ATG7: variants seen among roughly 807,000 people sequenced by gnomAD.
ATG7 encodes autophagy related 7.
ATG7 carries 70 observed loss-of-function variants against 82.4 expected under a neutral mutation model. The ratio of observed to expected loss-of-function variants is 0.85; its 90% CI spans 0.70 to 1.04. The LOEUF is 1.04. ATG7 is among the 50% of genes least tolerant of loss of function. The pLI, the probability that ATG7 is intolerant of heterozygous loss-of-function variation, is 0.00. For synonymous variants in ATG7, 287 were observed against 313.0 expected (o/e 0.92, Z 0.88); for missense variants, 792 against 864.3 (o/e 0.92, Z 1.05).
intron 17 of ATG7, among the ~76,000 whole-genome samples, chr3:11,363,885 G>A (rs2076430633): frequency 1.3e-5 from 2 of 152,170 alleles, no homozygotes; most frequent in Non-Finnish European, 2.9e-5. Context: ...TATGTAACTA[G>A]TATGGGTACT....
chr3:11,314,416 T>TGTC (rs569073916), intron 8 of ATG7, among the ~76,000 whole-genome samples: 1,956 of 151,226 alleles, frequency 0.013, 26 homozygotes, highest in Non-Finnish European at 0.018. Flanking sequence ...AAATTTTTTT[T>TGTC]GTTGTTGTTC....
intron 20 of ATG7, among the ~76,000 whole-genome samples, chr3:11,543,628 G>C (rs1443508574): frequency 6.6e-6 from 1 of 152,186 alleles, no homozygotes; most frequent in Non-Finnish European, 1.5e-5. Flanking sequence ...GGCTGGCCGC[G>C]GTGGCTCATG....
At chr3:11,371,458 A>T (rs893182706) in intron 18 of ATG7, among the ~76,000 whole-genome samples, 1 of 150,936 alleles carries the variant, frequency 6.6e-6, no homozygotes. Flanking sequence ...CTGAGGTGTG[A>T]TATGAGTAGA....
At chr3:11,292,590 C>T (rs13084898) in intron 3 of ATG7, among the ~76,000 whole-genome samples, 12,618 of 121,620 alleles carry the variant, frequency 0.1, 1,381 homozygotes, top group South Asian at 0.24. Context: ...TTCTTGGAAC[C>T]TCAGTTTCTT....
chr3:11,533,939 A>T (rs773546107), intron 20 of ATG7, among the ~76,000 whole-genome samples: 16 of 152,222 alleles, frequency 1.1e-4, no homozygotes, highest in Non-Finnish European at 1.8e-4. Context: ...GATTAAAAAA[A>T]CTTGGAGCGC....
At chr3:11,477,416 A>G (rs951660565) in intron 20 of ATG7, 6 of 681,156 alleles carry the variant, frequency 8.8e-6, no homozygotes, top group African/African-American at 7.8e-5. Context: ...ATATAATTCT[A>G]TTTCTTTTAA....
the ATG7 span, among the ~76,000 whole-genome samples, chr3:11,572,382 G>T: frequency 2.0e-5 from 3 of 152,158 alleles, no homozygotes; most frequent in African/African-American, 7.2e-5. Context: ...CCGGGAGGGA[G>T]GAAAATACAA....
At chr3:11,393,735 C>T (rs1187738536) in intron 19 of ATG7, among the ~76,000 whole-genome samples, 2 of 151,876 alleles carry the variant, frequency 1.3e-5, no homozygotes, top group East Asian at 3.9e-4. Context: ...GGCTGGAGTG[C>T]AGAGGTGCGA....
chr3:11,343,115 G>A (rs1953931759), intron 13 of ATG7, among the ~76,000 whole-genome samples: 1 of 152,030 alleles, frequency 6.6e-6, no homozygotes, highest in Non-Finnish European at 1.5e-5. Context: ...TTTTAGTAGA[G>A]ACGGGGTTTC....
rs1178574171 is a variant in ATG7 at position 11,439,065 on chromosome 3, C to CTTTG, written c.2079+12142_2079+12143insGTTT. ...GTCTTATTTTCTTTTTCTTTTCTTT[C>CTTTG]TTTCTTTTTTTTTTTTTTTTTGAGA... is the stretch of plus-strand genomic sequence containing the variant. On this transcript the variant is annotated intron_variant, in intron 20 of 20. Transcript: ENST00000693202. Among the ~76,000 whole-genome samples the CTTTG allele has an allele frequency of 3.7e-5, 3 of 80,554 alleles. No individual in the cohort carries two copies. The South Asian group carries it at 1.8e-3, about 49-fold the overall frequency. The allele number at this position is 80,554 out of a possible 152,430, so 52.8% of individuals were successfully genotyped here.
intron 12 of ATG7, 38 bp from the exon 13 acceptor site, chr3:11,342,097 A>G: frequency 6.3e-7 from 1 of 1,583,966 alleles, no homozygotes; most frequent in Non-Finnish European, 8.6e-7. Context: ...ATTATTGCAT[A>G]AAGGAGTGAC....
intron 20 of ATG7, among the ~76,000 whole-genome samples, chr3:11,527,175 G>T (rs1184891569): frequency 1.3e-5 from 2 of 151,316 alleles, no homozygotes; most frequent in Non-Finnish European, 2.9e-5. Context: ...CACGCTCTCG[G>T]CTCACTGCAA....
chr3:11,286,481 G>T (rs537656703), intron 3 of ATG7, among the ~76,000 whole-genome samples: 1 of 150,344 alleles, frequency 6.7e-6, no homozygotes, highest in African/African-American at 2.4e-5. Flanking sequence ...TAGAAGTTTG[G>T]GTTATTTCTT....
chr3:11,422,404 A>G (rs1576303682), intron 19 of ATG7, among the ~76,000 whole-genome samples: 2 of 152,010 alleles, frequency 1.3e-5, no homozygotes, highest in Non-Finnish European at 2.9e-5. Flanking sequence ...CTTTCCTTAA[A>G]CCTCATTAGC....
In ATG7 at chr3:11,382,021, C is replaced by G. The variant is rs570056036; in HGVS notation, c.1956+1969C>G. ...TAATACATGTTATACAGAGTCATGT[C>G]ATAGTTGTTGTTTCAAAAGATTGGG... On this transcript the variant is annotated intron_variant, in intron 19 of 20. Transcript: ENST00000693202. Among the ~76,000 whole-genome samples, 110 of 152,240 alleles carry G rather than the reference C, an allele frequency of 7.2e-4. 1 individual carries two copies. Among genetic ancestry groups the G allele is most frequent in the Non-Finnish European group, 1.2e-3 (81 of 68,014 alleles).
intron 12 of ATG7, among the ~76,000 whole-genome samples, 189 bp downstream of exon 12, chr3:11,340,924 C>T (rs1443258786): frequency 2.0e-5 from 3 of 152,144 alleles, no homozygotes; most frequent in Non-Finnish European, 4.4e-5. Context: ...TCCTGAAGGG[C>T]ACACTCTTCA....
At chr3:11,331,045 C>T (rs1951569097) in intron 9 of ATG7, among the ~76,000 whole-genome samples, 1 of 152,136 alleles carries the variant, frequency 6.6e-6, no homozygotes, top group Admixed American at 6.5e-5. Flanking sequence ...CTTCATTCCC[C>T]ATCTTCCTTC....
chr3:11,282,540 G>A (rs1457454184), intron 3 of ATG7, 102 bp downstream of exon 3: 1 of 152,164 alleles, frequency 6.6e-6, no homozygotes, highest in East Asian at 1.9e-4. Flanking sequence ...AACCAATTTG[G>A]CTGACTTGAT....
At chr3:11,360,892 CAA>C in intron 16 of ATG7, 108 bp downstream of exon 16, 2 of 1,244,740 alleles carry the variant, frequency 1.6e-6, no homozygotes, top group Non-Finnish European at 2.2e-6. Flanking sequence ...TATCTTTTAA[CAA>C]AGAGAAGAAT....
Sources: gnomAD v4.1 joint callset for allele counts (sites outside exome capture counted in the v4.1 genomes callset) on GRCh38, gnomAD v4.1.1 for gene constraint, MANE v1.5 for transcripts, NCBI Gene and HGNC (gene_info 2026-07-23, HGNC 2026-07-21) for gene names.